The following VOPP1 variants were observed in gnomAD, a reference collection of about 807,000 sequenced individuals.
VOPP1 encodes WW domain binding protein VOPP1.
A neutral mutation model predicts 23.5 loss-of-function variants in VOPP1; 8 were observed. The ratio of observed to expected loss-of-function variants is 0.34; its 90% CI spans 0.20 to 0.61. The LOEUF is 0.61. VOPP1 is among the 20% of genes least tolerant of loss of function. The pLI is 0.78. For missense variants in VOPP1, 174 were observed against 238.1 expected (o/e 0.73, Z 1.77); for synonymous variants, 83 against 97.3 (o/e 0.85, Z 0.86).
At chr7:55,457,898 C>T (rs1055654427) in intron 4 of VOPP1, among the ~76,000 whole-genome samples, 7 of 152,126 alleles carry the variant, frequency 4.6e-5, no homozygotes, top group African/African-American at 1.7e-4. Context: ...CAGATTGTCT[C>T]TTCACTCTGT....
At chr7:55,453,624 T>C (rs1791295607) in intron 4 of VOPP1, among the ~76,000 whole-genome samples, 1 of 152,232 alleles carries the variant, frequency 6.6e-6, no homozygotes, top group Admixed American at 6.5e-5. Context: ...GGCAGAGTTA[T>C]TGGCACCCTA....
chr7:55,523,279 CGT>C (rs772490249), intron 1 of VOPP1, among the ~76,000 whole-genome samples: 4 of 152,180 alleles, frequency 2.6e-5, no homozygotes, highest in Non-Finnish European at 5.9e-5. Context: ...CAAAAGGAAA[CGT>C]GTACATTTGG....
At chr7:55,561,538 G>A (rs977640767) in intron 1 of VOPP1, among the ~76,000 whole-genome samples, 10 of 151,796 alleles carry the variant, frequency 6.6e-5, no homozygotes, top group East Asian at 1.9e-4. Context: ...GTGAAACCCC[G>A]TCTCTACTAA....
chr7:55,492,414 G>A lies in VOPP1; in HGVS notation c.196C>T (p.Leu66Phe), dbSNP rs1310610622. ...CAGAAAAGCACGCCCATCATCAGAA[G>A]GAACCTGAGGAGAGTACAGACGTGA... ...SIQRLWYFWFLLMMGVLFCCG... is the reference protein window; with the variant it reads ...SIQRLWYFWFFLMMGVLFCCG... Residue 66 changes from leucine (L) to phenylalanine (F), a missense_variant, in exon 4 of 5, where the codon CTT becomes TTT. Transcript: ENST00000285279. The A allele has an allele frequency of 1.9e-6, 3 of 1,610,584 alleles. No individual in the cohort carries two copies. The highest frequency in any genetic ancestry group is 2.5e-6 in the Non-Finnish European group (3 of 1,178,398).
chr7:55,440,874 G>A (rs77149956), intron 4 of VOPP1, among the ~76,000 whole-genome samples: 43 of 152,270 alleles, frequency 2.8e-4, no homozygotes, highest in African/African-American at 7.7e-4. Flanking sequence ...TGGCACAGTC[G>A]TCACACATGG....
At chr7:55,553,656 C>A (rs1797701893) in intron 1 of VOPP1, among the ~76,000 whole-genome samples, 1 of 151,700 alleles carries the variant, frequency 6.6e-6, no homozygotes, top group Non-Finnish European at 1.5e-5. Flanking sequence ...CCCTACCACA[C>A]AAACACCACG....
chr7:55,517,542 T>C (rs1045999249), intron 2 of VOPP1, among the ~76,000 whole-genome samples: 5 of 152,192 alleles, frequency 3.3e-5, no homozygotes, highest in African/African-American at 1.2e-4. Flanking sequence ...CCCCACCGCC[T>C]GAGGCCCCCA....
chr7:55,532,436 C>A (rs550321597), intron 1 of VOPP1, among the ~76,000 whole-genome samples: 1 of 152,214 alleles, frequency 6.6e-6, no homozygotes, highest in Non-Finnish European at 1.5e-5. Context: ...CCTGCTAAGT[C>A]GTTACATTGT....
downstream of VOPP1, among the ~76,000 whole-genome samples, chr7:55,468,048 C>A (rs58975167): frequency 0.26 from 39,140 of 151,974 alleles, 6,780 homozygotes; most frequent in African/African-American, 0.49. Context: ...CCGAGGCGGG[C>A]GGATCACGAG....
intron 1 of VOPP1, among the ~76,000 whole-genome samples, chr7:55,537,249 A>G (rs1796852387): frequency 6.6e-6 from 1 of 152,076 alleles, no homozygotes; most frequent in Non-Finnish European, 1.5e-5. Context: ...TACCCCGAAC[A>G]CCCACAGCGT....
intron 2 of VOPP1, among the ~76,000 whole-genome samples, chr7:55,510,888 G>A (rs1795029709): frequency 1.3e-5 from 2 of 152,182 alleles, no homozygotes; most frequent in South Asian, 4.2e-4. Flanking sequence ...GATCAGCCCT[G>A]TGAGGTCTCT....
At chr7:55,525,789 TAAAAAAAAAAAA>T (rs141901865) in intron 1 of VOPP1, among the ~76,000 whole-genome samples, 1 of 77,954 alleles carries the variant, frequency 1.3e-5, no homozygotes, top group Admixed American at 1.6e-4. Context: ...AAAACCTCTC[TAAAAAAAAAAAA>T]AAAAAAAAAA....
At chr7:55,567,272 T>A (rs542942765) in intron 1 of VOPP1, among the ~76,000 whole-genome samples, 9 of 152,320 alleles carry the variant, frequency 5.9e-5, no homozygotes, top group African/African-American at 1.9e-4. Flanking sequence ...GAGCAAAACC[T>A]TTGCCCCTAA....
chr7:55,519,054 C>G (rs1795666249), intron 2 of VOPP1, among the ~76,000 whole-genome samples: 1 of 152,154 alleles, frequency 6.6e-6, no homozygotes, highest in Non-Finnish European at 1.5e-5. Context: ...GATCCGAAGA[C>G]CTTAATTTAC....
intron 2 of VOPP1, among the ~76,000 whole-genome samples, chr7:55,515,241 G>T (rs1361627914): frequency 6.6e-6 from 1 of 152,164 alleles, no homozygotes; most frequent in Admixed American, 6.5e-5. Context: ...TGACCCAAGA[G>T]GCCTCCCACT....
chr7:55,479,162 T>TTTA (rs555785693), intron 4 of VOPP1, among the ~76,000 whole-genome samples: 30 of 152,218 alleles, frequency 2.0e-4, no homozygotes, highest in African/African-American at 6.7e-4. Context: ...TTTTTTTTTT[T>TTTA]TTATTATTAT....
chr7:55,534,131 C>CT (rs10669665), intron 1 of VOPP1, among the ~76,000 whole-genome samples: 86,517 of 140,050 alleles, frequency 0.62, 27,514 homozygotes, highest in Admixed American at 0.69. Flanking sequence ...TTTCATGTAG[C>CT]TTTTTTTTTT....
chr7:55,506,405 G>A (rs191175376), intron 2 of VOPP1, among the ~76,000 whole-genome samples: 1,676 of 152,260 alleles, frequency 0.011, 11 homozygotes, highest in Middle Eastern at 0.02. Flanking sequence ...GCACGATCTC[G>A]GCTCACTGCA....
At chr7:55,536,899 G>A (rs1335956128) in intron 1 of VOPP1, among the ~76,000 whole-genome samples, 1 of 152,166 alleles carries the variant, frequency 6.6e-6, no homozygotes, top group Non-Finnish European at 1.5e-5. Flanking sequence ...AAATGCAAGA[G>A]ACAGTGAACA....
Sources: gnomAD v4.1 joint callset for allele counts (sites outside exome capture counted in the v4.1 genomes callset) on GRCh38, gnomAD v4.1.1 for gene constraint, MANE v1.5 for transcripts, NCBI Gene and HGNC (gene_info 2026-07-23, HGNC 2026-07-21) for gene names.